Variants in FOLH1 observed in about 807,000 individuals in gnomAD.
FOLH1 encodes glutamate carboxypeptidase 2.
A neutral mutation model predicts 93.9 loss-of-function variants in FOLH1; 54 were observed. The observed-to-expected ratio is 0.57, with a 90% CI of 0.46 to 0.72. The LOEUF (loss-of-function observed/expected upper bound fraction) is 0.72, where lower values mean the gene tolerates loss of function less well. FOLH1 is among the 30% of genes least tolerant of loss of function. FOLH1 has a pLI of 0.00. For synonymous variants in FOLH1, 249 were observed against 303.6 expected (o/e 0.82, Z 1.87); for missense variants, 571 against 892.5 (o/e 0.64, Z 4.59).
intron 4 of FOLH1, among the ~76,000 whole-genome samples, chr11:49,190,252 A>G (rs202704): frequency 0.8 from 116,705 of 145,006 alleles, 46,616 homozygotes; most frequent in East Asian, 0.9. Flanking sequence ...TGAGGGAGAG[A>G]AAACTGAAAA....
At chr11:49,200,091 A>C (rs180794762) in intron 3 of FOLH1, among the ~76,000 whole-genome samples, 164 bp downstream of exon 3, 2 of 152,310 alleles carry the variant, frequency 1.3e-5, no homozygotes, top group African/African-American at 4.8e-5. Flanking sequence ...ACATCATAGG[A>C]AAGTAGTTGA....
intron 4 of FOLH1, among the ~76,000 whole-genome samples, chr11:49,190,122 T>C (rs933372321): frequency 6.6e-6 from 1 of 152,210 alleles, no homozygotes; most frequent in Non-Finnish European, 1.5e-5. Context: ...ATAATTTTTT[T>C]AGTGTAAATA....
At chr11:49,158,960 A>G (rs1238728485) in intron 13 of FOLH1, among the ~76,000 whole-genome samples, 3 of 152,086 alleles carry the variant, frequency 2.0e-5, no homozygotes, top group Non-Finnish European at 4.4e-5. Context: ...TAGGAATGCT[A>G]GCAATTTTTG....
Position 49,171,188 on chromosome 11 carries a change from A to G in FOLH1, c.1308+7T>C. The G allele has an allele frequency of 6.4e-7, 1 of 1,567,766 alleles. No homozygotes were observed. Among genetic ancestry groups the G allele is most frequent in the South Asian group, 1.2e-5 (1 of 82,276 alleles). On this transcript the variant is annotated splice_region_variant and intron_variant, in intron 11 of 18. Coordinates refer to ENST00000256999, the MANE Select transcript of FOLH1 (RefSeq NM_004476.3). ...AAAATTTATATTATAGCAAATTACC[A>G]ACTAACCTCTGCCCACTCAGTAGAA...
chr11:49,146,996 A>C (rs778342553), intron 18 of FOLH1, 51 bp from the exon 19 acceptor site: 36 of 1,572,506 alleles, frequency 2.3e-5, no homozygotes, highest in Non-Finnish European at 3.1e-5. Context: ...GATATACAAG[A>C]GAAACACAAG....
At chr11:49,198,921 T>G (rs187812555) in intron 3 of FOLH1, among the ~76,000 whole-genome samples, 1 of 152,000 alleles carries the variant, frequency 6.6e-6, no homozygotes. Context: ...CTTAATAATA[T>G]TTTTTAAAGT....
At chr11:49,195,780 C>G (rs187959678) in intron 3 of FOLH1, among the ~76,000 whole-genome samples, 1 of 152,202 alleles carries the variant, frequency 6.6e-6, no homozygotes, top group African/African-American at 2.4e-5. Flanking sequence ...CTAGGAACAA[C>G]TATACTATAA....
intron 16 of FOLH1, 125 bp from the exon 17 acceptor site, chr11:49,154,052 T>C: frequency 7.6e-7 from 1 of 1,317,822 alleles, no homozygotes; most frequent in Non-Finnish European, 1.0e-6. Context: ...GTATTTATAT[T>C]TTTATATTAT....
At chr11:49,149,029 C>T (rs748060872) in intron 17 of FOLH1, among the ~76,000 whole-genome samples, 4 of 152,040 alleles carry the variant, frequency 2.6e-5, no homozygotes, top group South Asian at 2.1e-4. Flanking sequence ...GTGCTGCACC[C>T]GTTATCTCAC....
At chr11:49,193,013 A>G (rs1008424584) in intron 3 of FOLH1, 119 bp from the exon 4 acceptor site, 4 of 742,202 alleles carry the variant, frequency 5.4e-6, no homozygotes, top group Admixed American at 3.8e-5. Flanking sequence ...ATCCTTCAGG[A>G]TTTTGATGAT....
chr11:49,193,863 GAAC>G lies in FOLH1; in HGVS notation c.412-972_412-970del, dbSNP rs536327557. Among the ~76,000 whole-genome samples the G allele has an allele frequency of 5.4e-3, 824 of 152,122 alleles. 3 individuals carry two copies. Among genetic ancestry groups the G allele is most frequent in the Non-Finnish European group, 9.7e-3 (656 of 67,962 alleles). ...AAGACTGTGCATAAAGCTGGTCTAA[GAAC>G]AACAATATCCTGGCCAGGTGAGGTG... On this transcript the variant is annotated intron_variant, in intron 3 of 18. Transcript: ENST00000256999.
intron 1 of FOLH1, chr11:49,206,737 G>T (rs1250693525): frequency 9.1e-6 from 14 of 1,533,256 alleles, no homozygotes; most frequent in Non-Finnish European, 1.2e-5. Flanking sequence ...GTAGGCGTGA[G>T]AAATCCAAGT....
At chr11:49,208,200 A>G in intron 1 of FOLH1, 92 bp downstream of exon 1, 1 of 943,466 alleles carries the variant, frequency 1.1e-6, no homozygotes, top group Non-Finnish European at 1.6e-6. Context: ...AAGACCAGCA[A>G]CAGGATCCCA....
At chr11:49,177,474 G>A (rs1203127961) in intron 7 of FOLH1, among the ~76,000 whole-genome samples, 2 of 151,908 alleles carry the variant, frequency 1.3e-5, no homozygotes, top group African/African-American at 4.8e-5. Context: ...GAGGTAGAAA[G>A]AAATTTAGTA....
chr11:49,200,114 G>A (rs887534665), intron 3 of FOLH1, 141 bp downstream of exon 3: 1 of 827,234 alleles, frequency 1.2e-6, no homozygotes, highest in African/African-American at 1.7e-5. Flanking sequence ...CGGATAATGA[G>A]ATATTAAAGG....
intron 2 of FOLH1, among the ~76,000 whole-genome samples, chr11:49,201,228 A>T (rs1409160979): frequency 6.7e-6 from 1 of 149,098 alleles, no homozygotes; most frequent in Non-Finnish European, 1.5e-5. Flanking sequence ...CCTTAAATAC[A>T]TGACAAGATA....
At chr11:49,203,953 T>G (rs1337384260) in intron 2 of FOLH1, among the ~76,000 whole-genome samples, 1 of 152,136 alleles carries the variant, frequency 6.6e-6, no homozygotes, top group South Asian at 2.1e-4. Context: ...AACACCAAAA[T>G]GTTAACTGAA....
At chr11:49,203,662 G>C (rs1863518443) in intron 2 of FOLH1, among the ~76,000 whole-genome samples, 1 of 152,154 alleles carries the variant, frequency 6.6e-6, no homozygotes, top group African/African-American at 2.4e-5. Flanking sequence ...CTGGTTAGAG[G>C]AGCTTGGTTA....
In FOLH1 at chr11:49,158,138, T is replaced by G. The variant is rs1590443313; in HGVS notation, c.1441-95A>C. ...CCAGAAGTGAGTAACTAAGCCACAATTCAGCAAAAACAAGGGATGCTATCC... is the reference window on the plus strand; with the variant it reads ...CCAGAAGTGAGTAACTAAGCCACAAGTCAGCAAAAACAAGGGATGCTATCC... On this transcript the variant is annotated intron_variant, in intron 13 of 18. Coordinates refer to ENST00000256999, the MANE Select transcript of FOLH1 (RefSeq NM_004476.3). The G allele has an allele frequency of 3.3e-6, 4 of 1,202,816 alleles. No individual in the cohort carries two copies. In the African/African-American group the frequency reaches 6.2e-5, roughly 19 times the overall value. The allele number at this position is 1,202,816 out of a possible 1,614,324, so 74.5% of individuals were successfully genotyped here.
Sources: allele counts gnomAD v4.1 joint callset (sites outside exome capture counted in the v4.1 genomes callset), GRCh38; gene constraint gnomAD v4.1.1; transcripts MANE v1.5; gene names NCBI Gene and HGNC (gene_info 2026-07-23, HGNC 2026-07-21).